Variants in TRIM77 observed in about 807,000 individuals in gnomAD.
TRIM77 encodes tripartite motif containing 77, also known as tripartite motif-containing protein 77.
TRIM77 carries 23 observed loss-of-function variants against 31.8 expected under a neutral mutation model. The observed-to-expected ratio is 0.72, with a 90% confidence interval of 0.52 to 1.02. The LOEUF is 1.02. Among genes scored for constraint, TRIM77 ranks in the 50% least tolerant of loss-of-function variants. The pLI is 0.00. For synonymous variants in TRIM77, 159 were observed against 183.1 expected (o/e 0.87, Z 1.06); for missense variants, 446 against 539.2 (o/e 0.83, Z 1.71).
At chr11:89,717,125 A>G (rs908002872) in intron 5 of TRIM77, among the ~76,000 whole-genome samples, 2 of 152,186 alleles carry the variant, frequency 1.3e-5, no homozygotes, top group Non-Finnish European at 2.9e-5. Context: ...ATAGAGTGGT[A>G]TGCCGGACCC....
In TRIM77 at chr11:89,717,467, A is replaced by G; in HGVS notation, c.948A>G (p.Thr316=). 1 of 1,551,562 alleles carries G rather than the reference A, an allele frequency of 6.4e-7. No homozygotes were observed. Among genetic ancestry groups the G allele is most frequent in the South Asian group, 1.2e-5 (1 of 84,058 alleles). The change falls in exon 6 of 6, where the codon ACA becomes ACG. Residue 316 remains threonine, a synonymous_variant. Coordinates refer to ENST00000398290, the MANE Select transcript of TRIM77 (RefSeq NM_001146162.1). ...LRHLQCSLDD[T]DMSCNPTSTQ... ...ATTTGCAGTGCAGCCTTGATGATAC[A>G]GACATGTCCTGTAATCCAACAAGTA...
In TRIM77 at chr11:89,717,730, A is replaced by C. The variant is rs200339783; in HGVS notation, c.1211A>C (p.Gln404Pro). ...PLLPHYIPRP[Q>P]GWLGVFLDYE... ...TTACCTCACTATATTCCAAGGCCCC[A>C]AGGCTGGCTAGGGGTGTTCCTGGAT... is the stretch of plus-strand genomic sequence containing the variant. Residue 404 changes from glutamine (Q) to proline (P), a missense_variant, in exon 6 of 6, where the codon CAA (glutamine) becomes CCA (proline). Physicochemically the swap from Gln to Pro is moderately conservative, Grantham distance 76. Transcript: ENST00000398290. 5.7e-4 allele frequency: 880 copies of C among 1,551,098 alleles called. No individual in the cohort carries two copies. The highest frequency in any genetic ancestry group is 7.3e-4 in the Non-Finnish European group (838 of 1,146,714).
In TRIM77 at chr11:89,714,420, C is replaced by T. The variant is rs1365583178; in HGVS notation, c.736C>T (p.Gln246Ter). 1.9e-6 allele frequency: 3 copies of T among 1,548,428 alleles called. No homozygotes were observed. Among genetic ancestry groups the T allele is most frequent in the Non-Finnish European group, 2.6e-6 (3 of 1,145,016 alleles). The change falls in exon 3 of 6, where the codon CAG becomes TAG. Residue 246 changes from glutamine (Q) to a stop codon, truncating the protein, a stop_gained and splice_region_variant. Coordinates refer to ENST00000398290, the MANE Select transcript of TRIM77 (RefSeq NM_001146162.1). LOFTEE classifies it high-confidence loss of function. ...CTGTAAAGCAGATGTGAACCTGCCT[C>T]AGGTAAAAACTGAAGGAGATCAGGG... ...MSCKADVNLP[Q>*]DLGDVMKRNE...
chr11:89,715,686 G>A (rs895944372), intron 4 of TRIM77, among the ~76,000 whole-genome samples: 2 of 152,070 alleles, frequency 1.3e-5, no homozygotes, highest in Non-Finnish European at 2.9e-5. Flanking sequence ...ATTATGACTG[G>A]GATAACATAC....
chr11:89,713,275 CAAA>C (rs1185402054), intron 2 of TRIM77, among the ~76,000 whole-genome samples: 3 of 42,222 alleles, frequency 7.1e-5, no homozygotes, highest in African/African-American at 2.8e-4. Context: ...GACTCCGTCT[CAAA>C]AAAAAAAAAA....
intron 2 of TRIM77, among the ~76,000 whole-genome samples, chr11:89,713,138 G>A (rs1212639519): frequency 1.3e-5 from 2 of 151,822 alleles, no homozygotes; most frequent in African/African-American, 2.4e-5. Flanking sequence ...TGGGCATGGT[G>A]GTGTGCGCCT....
intron 2 of TRIM77, among the ~76,000 whole-genome samples, chr11:89,713,189 T>A (rs866111093): frequency 1.0e-4 from 15 of 143,094 alleles, no homozygotes; most frequent in African/African-American, 2.9e-4. Flanking sequence ...GGCAGGAGAA[T>A]CACTTGAACC....
At chr11:89,712,018 G>A (rs3881252) in intron 2 of TRIM77, among the ~76,000 whole-genome samples, 45,896 of 152,002 alleles carry the variant, frequency 0.3, 7,535 homozygotes, top group Middle Eastern at 0.4. Context: ...GTCAGGCAGT[G>A]GTGAGAGATA....
chr11:89,715,674 T>C (rs1035871330), intron 4 of TRIM77, among the ~76,000 whole-genome samples: 2 of 152,192 alleles, frequency 1.3e-5, no homozygotes, highest in Non-Finnish European at 2.9e-5. Context: ...AGAACTGATA[T>C]AATTATGACT....
In TRIM77 at chr11:89,717,564, G is replaced by A; in HGVS notation, c.1045G>A (p.Asp349Asn). The change falls in exon 6 of 6, where the codon GAC becomes AAC. Residue 349 changes from aspartate (D) to asparagine (N), a missense_variant. By Grantham distance (23) the Asp-to-Asn change is conservative. Transcript: ENST00000398290. ...ACATTACTGGGAGGTGGATGTGAAA[G>A]ACTCTTGTAATTGGGTTATAGGACT... ...GKHYWEVDVK[D>N]SCNWVIGLCR... is the part of the protein sequence containing the mutation. 2 of 1,551,544 alleles carry A rather than the reference G, an allele frequency of 1.3e-6. No homozygotes were observed. The highest frequency in any genetic ancestry group is 1.7e-6 in the Non-Finnish European group (2 of 1,146,906).
At position 89,710,479 on chromosome 11, in the gene TRIM77, C is replaced by A; in HGVS notation, c.181C>A (p.Gln61Lys). ...CCCTGTGTGCAGGGAAATATCACAG[C>A]AAATGTACTTCAAACGCATTATTTT... is the stretch of plus-strand genomic sequence containing the variant. ...CCPVCREISQQMYFKRIIFAE... is the reference protein window; with the variant it reads ...CCPVCREISQKMYFKRIIFAE... The change falls in exon 1 of 6, where the codon CAA (glutamine) becomes AAA (lysine). Residue 61 changes from glutamine to lysine, a missense_variant. By Grantham distance (53) the Gln-to-Lys change is moderately conservative. Transcript: ENST00000398290. 4 of 1,551,514 alleles carry A rather than the reference C, an allele frequency of 2.6e-6. No individual in the cohort carries two copies. The highest frequency in any genetic ancestry group is 3.5e-6 in the Non-Finnish European group (4 of 1,146,822).
intron 1 of TRIM77, 96 bp downstream of exon 1, chr11:89,710,805 A>T (rs1052431184): frequency 2.6e-5 from 27 of 1,056,774 alleles, no homozygotes; most frequent in Non-Finnish European, 3.6e-5. Context: ...GTTATTAATA[A>T]TTTTATGCAA....
At chr11:89,715,073 G>A in intron 3 of TRIM77, 85 bp from the exon 4 acceptor site, 1 of 1,344,158 alleles carries the variant, frequency 7.4e-7, no homozygotes, top group Non-Finnish European at 1.0e-6. Context: ...TTCCAATTCA[G>A]TCCATATCCT....
At chr11:89,713,387 T>A in intron 2 of TRIM77, among the ~76,000 whole-genome samples, 1 of 147,560 alleles carries the variant, frequency 6.8e-6, no homozygotes, top group East Asian at 2.0e-4. Flanking sequence ...GCCCAGGAAT[T>A]CAAGGCTGCA....
In TRIM77 at chr11:89,713,431, G is replaced by C. The variant is rs539624779; in HGVS notation, c.508-761G>C. 1.4e-3 allele frequency among the ~76,000 whole-genome samples: 208 copies of C among 146,910 alleles called. No homozygotes were observed. In the Middle Eastern group the frequency reaches 0.014, roughly 10 times the overall value. On this transcript the variant is annotated intron_variant, in intron 2 of 5. Coordinates refer to ENST00000398290, the MANE Select transcript of TRIM77 (RefSeq NM_001146162.1). ...TGATTGCACCACCATACTCCAGCCT[G>C]GGTGACAAACTGAGACCTTGTCTCA...
At chr11:89,716,296 A>G (rs1187579485) in intron 5 of TRIM77, among the ~76,000 whole-genome samples, 2 of 152,204 alleles carry the variant, frequency 1.3e-5, no homozygotes, top group Non-Finnish European at 2.9e-5. Flanking sequence ...AGTGTAGCAT[A>G]TAAAACTGCA....
At position 89,716,795 on chromosome 11, in the gene TRIM77, AAC is replaced by A. The variant is rs1348567496; in HGVS notation, c.860-582_860-581del. On this transcript the variant is annotated intron_variant, in intron 5 of 5. Coordinates refer to ENST00000398290, the MANE Select transcript of TRIM77 (RefSeq NM_001146162.1). ...GGTATTGTTTAGGACTAATAATGAT[AAC>A]AGTGTCATAGCTTAAGTATAATTAA... 2.6e-5 allele frequency among the ~76,000 whole-genome samples: 4 copies of A among 152,276 alleles called. No individual in the cohort carries two copies. In the East Asian group the frequency reaches 5.8e-4, roughly 22 times the overall value.
chr11:89,714,252 C>T lies in TRIM77; in HGVS notation c.568C>T (p.Leu190Phe). Residue 190 changes from leucine (L) to phenylalanine (F), a missense_variant, in exon 3 of 6, where the codon CTC (leucine) becomes TTC (phenylalanine). Around this residue, in one of 3 missense-constraint regions of TRIM77, gnomAD observed 366 missense variants for 447.9 expected, o/e 0.82. Coordinates refer to ENST00000398290, the MANE Select transcript of TRIM77 (RefSeq NM_001146162.1). ...TGAATATCCTAAGGTGTGTCAATAC[C>T]TCCGTGAAGAAGAGCAAAAGCACGT... ...SAEYPKVCQY[L>F]REEEQKHVES... is the part of the protein sequence containing the mutation. 1 of 1,551,552 alleles carries T rather than the reference C, an allele frequency of 6.4e-7. No individual in the cohort carries two copies. The highest frequency in any genetic ancestry group is 8.7e-7 in the Non-Finnish European group (1 of 1,146,970).
Position 89,717,709 on chromosome 11 carries a change from C to G in TRIM77, c.1190C>G (p.Pro397Arg). Residue 397 changes from proline (P) to arginine (R), a missense_variant, in exon 6 of 6, where the codon CCT (proline) becomes CGT (arginine). This residue lies in a region of TRIM77 where 366 missense variants were observed against 447.9 expected (regional missense o/e 0.82). Transcript: ENST00000398290. ...FSLFSTSPLL[P>R]HYIPRPQGWL... ...CTCTTCTCTACCTCCCCACTGTTAC[C>G]TCACTATATTCCAAGGCCCCAAGGC... 6.4e-7 allele frequency: 1 copy of G among 1,551,286 alleles called. No individual in the cohort carries two copies. The highest frequency in any genetic ancestry group is 8.7e-7 in the Non-Finnish European group (1 of 1,146,718).
Sources: gnomAD v4.1 joint callset for allele counts (sites outside exome capture counted in the v4.1 genomes callset) on GRCh38, gnomAD v4.1.1 for gene constraint, gnomAD v4.1.1 regional missense constraint, MANE v1.5 for transcripts, NCBI Gene and HGNC (gene_info 2026-07-23, HGNC 2026-07-21) for gene names.